Variants in SPDYE10 observed in about 807,000 individuals in gnomAD.
SPDYE10 encodes speedy protein E10.
the SPDYE10 span, among the ~76,000 whole-genome samples, chr7:73,151,995 ATTG>A: frequency 6.7e-6 from 1 of 149,010 alleles, no homozygotes; most frequent in Admixed American, 6.6e-5. Flanking sequence ...GCTTTTTTTT[ATTG>A]TTGTTGTTTT....
chr7:73,114,176 G>GCA, the SPDYE10 span, among the ~76,000 whole-genome samples: 2 of 126,688 alleles, frequency 1.6e-5, no homozygotes, highest in African/African-American at 5.6e-5. Context: ...GGGTGACAGA[G>GCA]TGAGACTCTG....
the SPDYE10 span, among the ~76,000 whole-genome samples, chr7:73,115,218 T>C: frequency 6.6e-6 from 1 of 152,136 alleles, no homozygotes; most frequent in South Asian, 2.1e-4. Flanking sequence ...TTACGTTTGG[T>C]CACCTGGTGC....
At chr7:73,126,506 CAAAAAAAAA>C in the SPDYE10 span, among the ~76,000 whole-genome samples, 4 of 47,902 alleles carry the variant, frequency 8.4e-5, no homozygotes, top group East Asian at 1.2e-3. Flanking sequence ...GACTCCATCT[CAAAAAAAAA>C]AAAAAAAAAA....
the SPDYE10 span, among the ~76,000 whole-genome samples, chr7:73,138,596 C>A: frequency 6.6e-6 from 1 of 151,532 alleles, no homozygotes; most frequent in South Asian, 2.1e-4. Flanking sequence ...CCAGGATGGT[C>A]TCAATCTCTT....
the SPDYE10 span, among the ~76,000 whole-genome samples, chr7:73,132,746 G>C: frequency 1.3e-5 from 2 of 151,472 alleles, no homozygotes; most frequent in South Asian, 4.2e-4. Flanking sequence ...AAAACACTTT[G>C]GAAAGGCTGG....
chr7:73,113,972 G>T, the SPDYE10 span, among the ~76,000 whole-genome samples: 3 of 150,110 alleles, frequency 2.0e-5, no homozygotes, highest in Admixed American at 6.7e-5. Flanking sequence ...CTTGCAGTGA[G>T]CCAAGATCAT....
At chr7:73,131,197 T>G in the SPDYE10 span, among the ~76,000 whole-genome samples, 1 of 130,736 alleles carries the variant, frequency 7.6e-6, no homozygotes, top group African/African-American at 3.4e-5. Context: ...CAAGACACTG[T>G]CTCTTTAAAA....
At chr7:73,141,078 A>T in the SPDYE10 span, among the ~76,000 whole-genome samples, 3 of 141,778 alleles carry the variant, frequency 2.1e-5, no homozygotes, top group Non-Finnish European at 3.2e-5. Context: ...TACCACACAC[A>T]CACACACACA....
At chr7:73,134,520 T>TAA in the SPDYE10 span, among the ~76,000 whole-genome samples, 2 of 3,546 alleles carry the variant, frequency 5.6e-4, no homozygotes, top group South Asian at 0.014. Flanking sequence ...TAAAGTATAA[T>TAA]AAAAAAGAAA....
At chr7:73,152,111 T>C in the SPDYE10 span, among the ~76,000 whole-genome samples, 3 of 143,812 alleles carry the variant, frequency 2.1e-5, no homozygotes, top group Non-Finnish European at 4.6e-5. Context: ...GCCTCCCAGG[T>C]TCAAGTGATT....
the SPDYE10 span, among the ~76,000 whole-genome samples, chr7:73,114,704 T>C: frequency 2.1e-5 from 3 of 145,666 alleles, no homozygotes; most frequent in Non-Finnish European, 4.5e-5. Context: ...GGGTGTCTAA[T>C]TTTTTGTATT....
chr7:73,139,523 A>G, the SPDYE10 span, among the ~76,000 whole-genome samples: 1 of 136,686 alleles, frequency 7.3e-6, no homozygotes, highest in Non-Finnish European at 1.6e-5. Context: ...AGGTTTCACC[A>G]TGTTGGCCAG....
At chr7:73,134,370 G>T in the SPDYE10 span, among the ~76,000 whole-genome samples, 1 of 148,150 alleles carries the variant, frequency 6.7e-6, no homozygotes, top group Non-Finnish European at 1.5e-5. Context: ...AGGGCCTGTT[G>T]TGCGGTGGAG....
chr7:73,150,948 A>AT, the SPDYE10 span, among the ~76,000 whole-genome samples: 60 of 4,940 alleles, frequency 0.012, 2 homozygotes, highest in Admixed American at 0.02. Flanking sequence ...ATATATATAT[A>AT]TTTTTTTTTT....
the SPDYE10 span, among the ~76,000 whole-genome samples, chr7:73,143,210 CCT>C: frequency 1.3e-5 from 2 of 151,784 alleles, no homozygotes; most frequent in African/African-American, 2.4e-5. Context: ...GGTCTATGAC[CCT>C]GTCTTAGTCT....
At chr7:73,124,465 A>C in the SPDYE10 span, among the ~76,000 whole-genome samples, 1 of 151,522 alleles carries the variant, frequency 6.6e-6, no homozygotes, top group East Asian at 2.0e-4. Flanking sequence ...GGGTCTGGCC[A>C]GGCTTGCACA....
the SPDYE10 span, among the ~76,000 whole-genome samples, chr7:73,113,780 A>T: frequency 3.9e-5 from 6 of 152,132 alleles, no homozygotes; most frequent in African/African-American, 1.5e-4. Flanking sequence ...TCATGCCTGT[A>T]ATCCCAGCAC....
the SPDYE10 span, among the ~76,000 whole-genome samples, chr7:73,114,761 C>G: frequency 6.6e-6 from 1 of 150,598 alleles, no homozygotes; most frequent in African/African-American, 2.5e-5. Flanking sequence ...TGGTCTTGAA[C>G]TCCCAAGCTC....
the SPDYE10 span, among the ~76,000 whole-genome samples, chr7:73,128,186 T>C: frequency 6.6e-6 from 1 of 151,996 alleles, no homozygotes; most frequent in Non-Finnish European, 1.5e-5. Context: ...TCAACTTGGA[T>C]AAACCTCAAA....
Sources: gnomAD v4.1 joint callset for allele counts (sites outside exome capture counted in the v4.1 genomes callset) on GRCh38, gnomAD v4.1.1 for gene constraint, MANE v1.5 for transcripts, NCBI Gene and HGNC (gene_info 2026-07-23, HGNC 2026-07-21) for gene names.